Variants in CAMSAP2 observed in about 807,000 individuals in gnomAD.
CAMSAP2 encodes calmodulin-regulated spectrin-associated protein 2.
In CAMSAP2, 26 loss-of-function variants were observed where a neutral mutation model predicts 146.1. The observed-to-expected ratio is 0.18, with a 90% CI of 0.13 to 0.25. CAMSAP2 has a LOEUF of 0.25. Ranked by LOEUF, CAMSAP2 falls within the 10% of genes least tolerant of loss-of-function variation. The pLI, the probability that CAMSAP2 is intolerant of heterozygous loss-of-function variation, is 1.00. For synonymous variants in CAMSAP2, 499 were observed against 596.6 expected (o/e 0.84, Z 2.38); for missense variants, 1,381 against 1,759.3 (o/e 0.78, Z 3.85).
intron 1 of CAMSAP2, among the ~76,000 whole-genome samples, chr1:200,751,997 C>T (rs760958543): frequency 4.6e-5 from 7 of 152,100 alleles, no homozygotes; most frequent in Non-Finnish European, 8.8e-5. Context: ...CAACATGGGC[C>T]ACATTAACTT....
At position 200,856,160 on chromosome 1, in the gene CAMSAP2, AT is replaced by A. The variant is rs572768922; in HGVS notation, c.4012+38del. Reference sequence around the variant, plus strand: ...TATACATTTTTAGAGAAACATTTGAATTTAACACACTCATAAATGGAGGGTG... The same window carrying A: ...TATACATTTTTAGAGAAACATTTGAATTAACACACTCATAAATGGAGGGTG... On this transcript the variant is annotated intron_variant, in intron 15 of 16. Transcript: ENST00000358823. 1.5e-5 allele frequency: 22 copies of A among 1,456,768 alleles called. No homozygotes were observed. In the Admixed American group the frequency reaches 3.7e-4, roughly 24 times the overall value. 90.2% of individuals were successfully genotyped at this position (1,456,768 alleles called of 1,614,324 possible). A position where few individuals can be genotyped will look rare whatever the true frequency, so the allele number is the denominator to read the frequency against.
At chr1:200,813,935 CAAAAACAAAACA>C (rs1435456175) in intron 3 of CAMSAP2, among the ~76,000 whole-genome samples, 3 of 151,084 alleles carry the variant, frequency 2.0e-5, no homozygotes, top group Non-Finnish European at 4.4e-5. Context: ...TTGTCTCTAC[CAAAAACAAAACA>C]AAAAACAAAA....
At chr1:200,758,625 A>ATC (rs1165285220) in intron 1 of CAMSAP2, among the ~76,000 whole-genome samples, 4 of 152,210 alleles carry the variant, frequency 2.6e-5, no homozygotes, top group Non-Finnish European at 5.9e-5. Context: ...CCAGAGTCCT[A>ATC]TATCTCCAGC....
rs745535991 is a variant in CAMSAP2 at position 200,847,700 on chromosome 1, A to G, written c.1253A>G (p.Lys418Arg). The G allele has an allele frequency of 1.9e-6, 3 of 1,610,840 alleles. No homozygotes were observed. Among genetic ancestry groups the G allele is most frequent in the East Asian group, 2.2e-5 (1 of 44,754 alleles). Reference sequence around the variant, plus strand: ...GATGGCTTCATAGGGACATGGCCCAAAGAGAAAAGGTAAACAAAGAGAATT... The same window carrying G: ...GATGGCTTCATAGGGACATGGCCCAGAGAGAAAAGGTAAACAAAGAGAATT... The part of the protein sequence containing the change: ...YVDGFIGTWP[K>R]EKRSSVHGVS... The change falls in exon 10 of 17, where the codon AAA (lysine) becomes AGA (arginine). Residue 418 changes from lysine to arginine, a missense_variant. By Grantham distance (26) the Lys-to-Arg change is conservative (BLOSUM62 2). This residue lies in a region of CAMSAP2 where 447 missense variants were observed against 462.2 expected (regional missense o/e 0.97). Coordinates refer to ENST00000358823, the MANE Select transcript of CAMSAP2 (RefSeq NM_203459.4).
intron 2 of CAMSAP2, among the ~76,000 whole-genome samples, chr1:200,803,593 A>G (rs544493911): frequency 6.7e-6 from 1 of 148,972 alleles, no homozygotes; most frequent in African/African-American, 2.4e-5. Flanking sequence ...TTTAATTATC[A>G]CTATCATATT....
intron 1 of CAMSAP2, among the ~76,000 whole-genome samples, chr1:200,748,795 A>T (rs1248116543): frequency 1.3e-5 from 2 of 149,682 alleles, no homozygotes; most frequent in Admixed American, 1.3e-4. Context: ...TACGTGGTGT[A>T]TAGTTCTACC....
At chr1:200,834,193 C>T (rs369976835) in intron 6 of CAMSAP2, among the ~76,000 whole-genome samples, 9 of 151,964 alleles carry the variant, frequency 5.9e-5, no homozygotes, top group East Asian at 3.9e-4. Context: ...TGAAACCTCA[C>T]GTTTACTAAA....
intron 3 of CAMSAP2, among the ~76,000 whole-genome samples, chr1:200,811,403 C>G (rs1666328126): frequency 6.6e-6 from 1 of 152,164 alleles, no homozygotes; most frequent in Admixed American, 6.5e-5. Flanking sequence ...CAGTATCCAG[C>G]TACTCTAGCA....
At position 200,760,574 on chromosome 1, in the gene CAMSAP2, A is replaced by G. The variant is rs75393400; in HGVS notation, c.140-265A>G. 7.4e-3 allele frequency among the ~76,000 whole-genome samples: 1,134 copies of G among 152,342 alleles called. 12 individuals carry two copies. Among genetic ancestry groups the G allele is most frequent in the Middle Eastern group, 0.044 (13 of 294 alleles). On this transcript the variant is annotated intron_variant, in intron 1 of 16. Coordinates refer to ENST00000358823, the MANE Select transcript of CAMSAP2 (RefSeq NM_203459.4). ...ATGTGGGAATACTTTCCCAAGAGCCACTAGACTCAGAAAGCTTTTCTCCTT... is the reference window on the plus strand; with the variant it reads ...ATGTGGGAATACTTTCCCAAGAGCCGCTAGACTCAGAAAGCTTTTCTCCTT...
intron 1 of CAMSAP2, among the ~76,000 whole-genome samples, chr1:200,743,289 C>T (rs537144774): frequency 6.7e-6 from 1 of 149,782 alleles, no homozygotes; most frequent in South Asian, 2.1e-4. Context: ...TTTATCACTT[C>T]AATCTTCTCA....
chr1:200,854,615 C>T (rs1464791946), intron 13 of CAMSAP2, among the ~76,000 whole-genome samples: 3 of 151,912 alleles, frequency 2.0e-5, no homozygotes, highest in Non-Finnish European at 2.9e-5. Context: ...AAAGTAGGTT[C>T]CTTGCTAATT....
chr1:200,849,228 A>T lies in CAMSAP2; in HGVS notation c.2459A>T (p.Glu820Val). Reference sequence around the variant, plus strand: ...AAAGTATATACTGATCGAGCAAAAGAAAAGGAATCACAAAAAACTGATGGA... The same window carrying T: ...AAAGTATATACTGATCGAGCAAAAGTAAAGGAATCACAAAAAACTGATGGA... The part of the protein sequence containing the change: ...DEKVYTDRAK[E>V]KESQKTDGQR... Residue 820 changes from glutamate (E) to valine (V), a missense_variant, in exon 11 of 17, where the codon GAA (glutamate) becomes GTA (valine). Physicochemically the swap from Glu to Val is moderately radical, Grantham distance 121. Coordinates refer to ENST00000358823, the MANE Select transcript of CAMSAP2 (RefSeq NM_203459.4). This position sits in a 1 kb window ranked among gnomAD's most constrained non-coding sequence, Gnocchi z 6.3. 2 of 1,613,890 alleles carry T rather than the reference A, an allele frequency of 1.2e-6. No individual in the cohort carries two copies. Among genetic ancestry groups the T allele is most frequent in the East Asian group, 2.2e-5 (1 of 44,880 alleles).
intron 2 of CAMSAP2, among the ~76,000 whole-genome samples, chr1:200,784,054 T>C (rs1451567359): frequency 6.6e-6 from 1 of 152,034 alleles, no homozygotes; most frequent in African/African-American, 2.4e-5. Flanking sequence ...TTTAACAAGA[T>C]TATCTAGTTG....
Position 200,739,698 on chromosome 1 carries a change from GCGCCCGGGCGGACAT to G in CAMSAP2, c.-120_-106del. On this transcript the variant is annotated 5_prime_UTR_variant, in exon 1 of 17. Coordinates refer to ENST00000358823, the MANE Select transcript of CAMSAP2 (RefSeq NM_203459.4). This position sits in a 1 kb window ranked among gnomAD's most constrained non-coding sequence, Gnocchi z 4.8. ...GGACAGCTGAGCTTCTCCTCCGTCG[GCGCCCGGGCGGACAT>G]CGCCCGGGCCCCGATGGTTTGAGCT... The G allele has an allele frequency of 1.2e-6, 1 of 860,926 alleles. No homozygotes were observed. The highest frequency in any genetic ancestry group is 1.6e-6 in the Non-Finnish European group (1 of 630,184). The allele number at this position is 860,926 out of a possible 1,614,324, so 53.3% of individuals were successfully genotyped here.
In CAMSAP2 at chr1:200,849,227, G is replaced by A. The variant is rs1307741722; in HGVS notation, c.2458G>A (p.Glu820Lys). 1.2e-6 allele frequency: 2 copies of A among 1,613,740 alleles called. No homozygotes were observed. Among genetic ancestry groups the A allele is most frequent in the Non-Finnish European group, 1.7e-6 (2 of 1,180,008 alleles). ...DEKVYTDRAKEKESQKTDGQR... is the reference protein window; with the variant it reads ...DEKVYTDRAKKKESQKTDGQR... ...GAAAGTATATACTGATCGAGCAAAAGAAAAGGAATCACAAAAAACTGATGG... is the reference window on the plus strand; with the variant it reads ...GAAAGTATATACTGATCGAGCAAAAAAAAAGGAATCACAAAAAACTGATGG... Residue 820 changes from glutamate to lysine, a missense_variant, in exon 11 of 17, where the codon GAA (glutamate) becomes AAA (lysine). This residue lies in a region of CAMSAP2 where 560 missense variants were observed against 715.9 expected (regional missense o/e 0.78). Transcript: ENST00000358823. The surrounding 1 kb of genome is among the most constrained non-coding windows in gnomAD (Gnocchi z 6.3).
At chr1:200,856,562 A>G (rs1296173022) in intron 15 of CAMSAP2, among the ~76,000 whole-genome samples, 1 of 152,230 alleles carries the variant, frequency 6.6e-6, no homozygotes, top group African/African-American at 2.4e-5. Flanking sequence ...GTCCTCTTCT[A>G]GCTTCTAGGT....
At chr1:200,805,568 C>G (rs559338305) in intron 2 of CAMSAP2, among the ~76,000 whole-genome samples, 1 of 152,210 alleles carries the variant, frequency 6.6e-6, no homozygotes, top group East Asian at 1.9e-4. Flanking sequence ...GTGCTGATGC[C>G]GTACTTTAGA....
chr1:200,812,627 T>C (rs774850770), intron 3 of CAMSAP2, among the ~76,000 whole-genome samples: 3 of 152,140 alleles, frequency 2.0e-5, no homozygotes, highest in Non-Finnish European at 4.4e-5. Flanking sequence ...TCCTGGATAA[T>C]GCATCCACAA....
At chr1:200,815,690 A>G (rs1666463235) in intron 4 of CAMSAP2, 46 bp downstream of exon 4, 3 of 919,498 alleles carry the variant, frequency 3.3e-6, no homozygotes, top group Admixed American at 2.7e-5. Flanking sequence ...GACTGTATAT[A>G]TGTTCACATA....
Sources: allele counts gnomAD v4.1 joint callset (sites outside exome capture counted in the v4.1 genomes callset), GRCh38; gene constraint gnomAD v4.1.1; regional missense constraint gnomAD v4.1.1; non-coding constraint Gnocchi (gnomAD v3.1); transcripts MANE v1.5; gene names NCBI Gene and HGNC (gene_info 2026-07-23, HGNC 2026-07-21).